THSD7B: variants seen among roughly 807,000 people sequenced by gnomAD.
THSD7B encodes the protein thrombospondin type-1 domain-containing protein 7B.
Under a neutral mutation model 213.6 loss-of-function variants are expected in THSD7B, and 138 were observed. The ratio of observed to expected loss-of-function variants is 0.65; its 90% confidence interval spans 0.56 to 0.74. The LOEUF is 0.74. THSD7B is among the 30% of genes least tolerant of loss of function. The pLI, the probability that THSD7B is intolerant of heterozygous loss-of-function variation, is 0.00. For synonymous variants in THSD7B, 742 were observed against 687.0 expected (o/e 1.08, Z -1.25); for missense variants, 1,931 against 1,991.5 (o/e 0.97, Z 0.58).
chr2:137,075,510 A>G (rs1315877268), intron 3 of THSD7B, among the ~76,000 whole-genome samples: 1 of 151,856 alleles, frequency 6.6e-6, no homozygotes, highest in African/African-American at 2.4e-5. Context: ...AAAGCTTTTA[A>G]CTTCTTTCCC....
chr2:136,865,788 G>C (rs1024294549), intron 1 of THSD7B, among the ~76,000 whole-genome samples: 1 of 152,174 alleles, frequency 6.6e-6, no homozygotes, highest in African/African-American at 2.4e-5. Context: ...CTTCTCATAA[G>C]TTCATTGATC....
intron 2 of THSD7B, among the ~76,000 whole-genome samples, chr2:137,024,220 T>A (rs1379113381): frequency 6.6e-6 from 1 of 152,132 alleles, no homozygotes; most frequent in African/African-American, 2.4e-5. Context: ...CACTCTCTCC[T>A]CAGGAGAATG....
intron 12 of THSD7B, among the ~76,000 whole-genome samples, chr2:137,331,878 G>A (rs1208247269): frequency 3.3e-5 from 5 of 152,144 alleles, no homozygotes; most frequent in Admixed American, 1.3e-4. Context: ...GCCCGGGGCC[G>A]GCGGGGCCGG....
In THSD7B at chr2:137,565,691, T is replaced by G. The variant is rs1426830866; in HGVS notation, c.3272+2337T>G. ...GTCCTTCTCACTTGGTGGAAGCTTCTGGCGAGGGCTTTTTGTACTGTATCA... is the reference window on the plus strand; with the variant it reads ...GTCCTTCTCACTTGGTGGAAGCTTCGGGCGAGGGCTTTTTGTACTGTATCA... On this transcript the variant is annotated intron_variant, in intron 16 of 27. Coordinates refer to ENST00000409968, the MANE Select transcript of THSD7B (RefSeq NM_001316349.2). Among the ~76,000 whole-genome samples the G allele has an allele frequency of 2.0e-5, 3 of 152,154 alleles. No homozygotes were observed. In the East Asian group the frequency reaches 5.8e-4, roughly 29 times the overall value.
At chr2:136,814,204 T>C (rs1235572151) in intron 1 of THSD7B, among the ~76,000 whole-genome samples, 1 of 152,218 alleles carries the variant, frequency 6.6e-6, no homozygotes, top group Non-Finnish European at 1.5e-5. Context: ...TAAATTCCCA[T>C]GTAAAATGAA....
chr2:137,099,393 G>T (rs1558920262), intron 4 of THSD7B, among the ~76,000 whole-genome samples: 1 of 152,192 alleles, frequency 6.6e-6, no homozygotes, highest in Non-Finnish European at 1.5e-5. Context: ...TAGTAGATGG[G>T]GTAAAGAAAG....
At chr2:137,197,808 T>C (rs779454659) in intron 7 of THSD7B, among the ~76,000 whole-genome samples, 2 of 152,192 alleles carry the variant, frequency 1.3e-5, no homozygotes, top group Non-Finnish European at 2.9e-5. Context: ...TTGTGAAAGC[T>C]GAAGCATGAT....
chr2:137,241,542 C>A (rs1272974878), intron 9 of THSD7B, among the ~76,000 whole-genome samples: 1 of 152,024 alleles, frequency 6.6e-6, no homozygotes, highest in Non-Finnish European at 1.5e-5. Flanking sequence ...CTTGTTAATG[C>A]TGGTTAGTAT....
intron 1 of THSD7B, among the ~76,000 whole-genome samples, chr2:136,777,992 G>A (rs986842115): frequency 1.3e-5 from 2 of 152,152 alleles, no homozygotes; most frequent in African/African-American, 4.8e-5. Context: ...TGAACATGCA[G>A]TCAGACACAA....
At chr2:137,413,771 G>C (rs540491788) in intron 14 of THSD7B, among the ~76,000 whole-genome samples, 1 of 152,288 alleles carries the variant, frequency 6.6e-6, no homozygotes, top group South Asian at 2.1e-4. Flanking sequence ...CAGCTTGGAA[G>C]TGGGGTAAGT....
At chr2:137,333,809 C>T (rs1355792502) in intron 12 of THSD7B, among the ~76,000 whole-genome samples, 1 of 152,138 alleles carries the variant, frequency 6.6e-6, no homozygotes, top group African/African-American at 2.4e-5. Flanking sequence ...TTACATCATC[C>T]TAATGCTACA....
intron 2 of THSD7B, among the ~76,000 whole-genome samples, chr2:136,965,780 T>A (rs368673107): frequency 3.2e-4 from 48 of 152,306 alleles, no homozygotes; most frequent in African/African-American, 1.1e-3. Context: ...CCTCCAAACT[T>A]GTAAACTTTC....
intron 2 of THSD7B, among the ~76,000 whole-genome samples, chr2:136,982,416 G>A (rs1347218483): frequency 6.6e-6 from 1 of 151,628 alleles, no homozygotes; most frequent in Non-Finnish European, 1.5e-5. Context: ...CTCCTATCTC[G>A]GCCTCCCGAA....
intron 2 of THSD7B, among the ~76,000 whole-genome samples, chr2:136,932,495 A>G (rs960685041): frequency 7.7e-5 from 10 of 129,850 alleles, no homozygotes; most frequent in African/African-American, 2.6e-4. Flanking sequence ...GCTATGGTTG[A>G]CAGGAAGCTC....
Position 137,282,994 on chromosome 2 carries a change from G to A in THSD7B, c.2500+6968G>A, listed in dbSNP as rs575592658. Among the ~76,000 whole-genome samples the A allele has an allele frequency of 1.5e-4, 23 of 152,176 alleles. No individual in the cohort carries two copies. The South Asian group carries it at 4.2e-3, about 28-fold the overall frequency. On this transcript the variant is annotated intron_variant, in intron 12 of 27. Transcript: ENST00000409968. ...GCATTGAATCTATAAATTACCTTGG[G>A]CAGTATGGCCATTTTCACGATAATT...
At chr2:136,844,521 C>T (rs1191001752) in intron 1 of THSD7B, among the ~76,000 whole-genome samples, 1 of 147,774 alleles carries the variant, frequency 6.8e-6, no homozygotes. Context: ...TCTGGTTTCT[C>T]CTTTTCTTTT....
intron 14 of THSD7B, among the ~76,000 whole-genome samples, chr2:137,427,986 T>C (rs1159047054): frequency 6.6e-6 from 1 of 152,018 alleles, no homozygotes; most frequent in Non-Finnish European, 1.5e-5. Flanking sequence ...TATATCAGAA[T>C]AAAACTGAAA....
intron 5 of THSD7B, among the ~76,000 whole-genome samples, chr2:137,148,285 C>T (rs780876701): frequency 1.6e-4 from 25 of 152,226 alleles, no homozygotes; most frequent in Non-Finnish European, 2.4e-4. Context: ...CCCAGCCCTG[C>T]GAATCTGTGA....
At position 137,469,099 on chromosome 2, in the gene THSD7B, T is replaced by C. The variant is rs187814806; in HGVS notation, c.3138+18076T>C. On this transcript the variant is annotated intron_variant, in intron 15 of 27. Coordinates refer to ENST00000409968, the MANE Select transcript of THSD7B (RefSeq NM_001316349.2). ...AAAATAGAACATTTACTGGTTTGAA[T>C]GTAAGACCTATCTGGATCTGTCTAG... Among the ~76,000 whole-genome samples, 6 of 152,328 alleles carry C rather than the reference T, an allele frequency of 3.9e-5. No homozygotes were observed. The East Asian group carries it at 5.8e-4, about 15-fold the overall frequency.
Sources: gnomAD v4.1 joint callset for allele counts (sites outside exome capture counted in the v4.1 genomes callset) on GRCh38, gnomAD v4.1.1 for gene constraint, MANE v1.5 for transcripts, NCBI Gene and HGNC (gene_info 2026-07-23, HGNC 2026-07-21) for gene names.